Variants in KCNH5 observed in about 807,000 individuals in gnomAD.
The protein encoded by KCNH5 is voltage-gated delayed rectifier potassium channel KCNH5.
KCNH5 carries 46 observed loss-of-function variants against 96.1 expected under a neutral mutation model. The observed-to-expected ratio is 0.48, with a 90% CI of 0.38 to 0.61. The LOEUF is 0.61. Among genes scored for constraint, KCNH5 ranks in the 20% least tolerant of loss-of-function variants. The probability of loss-of-function intolerance (pLI) is 0.00; values close to 1 mark genes in which losing one functional copy is unlikely to be tolerated. For synonymous variants in KCNH5, 439 were observed against 449.8 expected (o/e 0.98, Z 0.30); for missense variants, 907 against 1,225.8 (o/e 0.74, Z 3.88).
chr14:62,814,782 C>CAAAAAAAAAAAA lies in KCNH5; in HGVS notation c.1570-12213_1570-12202dup, dbSNP rs71120235. Among the ~76,000 whole-genome samples, 210 of 33,740 alleles carry CAAAAAAAAAAAA rather than the reference C, an allele frequency of 6.2e-3. 45 individuals are homozygous for CAAAAAAAAAAAA. The highest frequency in any genetic ancestry group is 0.067 in the Middle Eastern group (2 of 30). The allele number at this position is 33,740 out of a possible 152,430, so 22.1% of individuals were successfully genotyped here. ...TGGGCGACAAAGCGAGACTCCATCT[C>CAAAAAAAAAAAA]AAAAAAAAAAAAAAAAAAAAAAAAA... On this transcript the variant is annotated intron_variant, in intron 8 of 10. Transcript: ENST00000322893.
At chr14:62,753,968 C>T (rs1885561795) in intron 10 of KCNH5, among the ~76,000 whole-genome samples, 1 of 152,076 alleles carries the variant, frequency 6.6e-6, no homozygotes, top group South Asian at 2.1e-4. Flanking sequence ...TGCAATTGTG[C>T]TGTGTAAACT....
rs768010526 is a variant in KCNH5 at position 62,980,878 on chromosome 14, C to A, written c.936G>T (p.Val312=). 1.9e-6 allele frequency: 3 copies of A among 1,613,106 alleles called. No individual in the cohort carries two copies. The Admixed American group carries it at 5.0e-5, about 27-fold the overall frequency. ...PYDIINAFEN[V]DEGISSLFSS... ...ACCAAAACGAAAAACTTACCTCATC[C>A]ACATTTTCAAAGGCATTGATGATGT... The change falls in exon 6 of 11, where the codon GTG becomes GTT. Residue 312 remains valine (V), a synonymous_variant. Coordinates refer to ENST00000322893, the MANE Select transcript of KCNH5 (RefSeq NM_139318.5).
At chr14:62,754,104 G>T (rs968006241) in intron 10 of KCNH5, among the ~76,000 whole-genome samples, 3 of 152,192 alleles carry the variant, frequency 2.0e-5, no homozygotes, top group African/African-American at 7.2e-5. Context: ...GCACAGAGAT[G>T]CAGTTAAAAT....
At position 62,708,128 on chromosome 14, in the gene KCNH5, C is replaced by T. The variant is rs373967609; in HGVS notation, c.2347G>A (p.Glu783Lys). ...TCAGCACCGCCGTTGGGCTTGAGTT[C>T]CATGGCATCACGGTTGTTCTGCTTA... ...SLKQNNRDAMELKPNGGADQK... is the reference protein window; with the variant it reads ...SLKQNNRDAMKLKPNGGADQK... Residue 783 changes from glutamate to lysine, a missense_variant, in exon 11 of 11, where the codon GAA becomes AAA. Glu to Lys is a moderately conservative substitution (Grantham distance 56). Transcript: ENST00000322893. The T allele has an allele frequency of 9.3e-6, 15 of 1,614,104 alleles. No homozygotes were observed. The highest frequency in any genetic ancestry group is 1.3e-5 in the Non-Finnish European group (15 of 1,180,048).
At chr14:62,964,023 G>A (rs936637068) in intron 6 of KCNH5, among the ~76,000 whole-genome samples, 3 of 152,082 alleles carry the variant, frequency 2.0e-5, no homozygotes, top group African/African-American at 7.2e-5. Flanking sequence ...AAATGATACT[G>A]GAGAAAACAA....
chr14:62,827,844 T>G (rs1449499992), intron 8 of KCNH5, among the ~76,000 whole-genome samples: 1 of 152,192 alleles, frequency 6.6e-6, no homozygotes. Flanking sequence ...GTTTAGAAGT[T>G]AGTTCTGTTT....
intron 9 of KCNH5, among the ~76,000 whole-genome samples, chr14:62,794,243 G>A (rs1352114325): frequency 6.6e-6 from 1 of 152,000 alleles, no homozygotes; most frequent in Non-Finnish European, 1.5e-5. Flanking sequence ...CTTGGCAGTG[G>A]TGTTAGAGAA....
chr14:62,916,603 T>A (rs1889279727), intron 7 of KCNH5, among the ~76,000 whole-genome samples: 1 of 152,144 alleles, frequency 6.6e-6, no homozygotes. Flanking sequence ...TGAGAAAAAA[T>A]GTCTTTTTCC....
chr14:62,924,905 T>G (rs1241607499), intron 7 of KCNH5, among the ~76,000 whole-genome samples: 1 of 151,956 alleles, frequency 6.6e-6, no homozygotes, highest in Non-Finnish European at 1.5e-5. Context: ...GCGACTATAG[T>G]CAATAATAGT....
At chr14:62,980,153 C>T (rs187774986) in intron 6 of KCNH5, among the ~76,000 whole-genome samples, 2 of 152,286 alleles carry the variant, frequency 1.3e-5, no homozygotes, top group East Asian at 3.9e-4. Flanking sequence ...TTTCCTGAGG[C>T]CTCTCCAGCC....
At chr14:62,852,820 C>G (rs1390271579) in intron 7 of KCNH5, among the ~76,000 whole-genome samples, 2 of 152,130 alleles carry the variant, frequency 1.3e-5, no homozygotes, top group Non-Finnish European at 2.9e-5. Flanking sequence ...ACAGCACTGC[C>G]TGAACAAATG....
At chr14:62,903,162 G>A (rs191751326) in intron 7 of KCNH5, among the ~76,000 whole-genome samples, 6 of 152,248 alleles carry the variant, frequency 3.9e-5, no homozygotes, top group African/African-American at 1.4e-4. Flanking sequence ...GTACAATACA[G>A]TAGCCCTTCA....
intron 9 of KCNH5, among the ~76,000 whole-genome samples, chr14:62,788,665 C>T (rs1458140080): frequency 6.6e-6 from 1 of 152,084 alleles, no homozygotes; most frequent in African/African-American, 2.4e-5. Flanking sequence ...CCCCTCTATT[C>T]CACCCTTCAG....
intron 7 of KCNH5, among the ~76,000 whole-genome samples, chr14:62,908,619 T>C (rs1889076272): frequency 6.6e-6 from 1 of 152,080 alleles, no homozygotes; most frequent in African/African-American, 2.4e-5. Context: ...AGGCACAGAC[T>C]GGAGCCCTCC....
intron 7 of KCNH5, among the ~76,000 whole-genome samples, chr14:62,938,881 G>T (rs763197666): frequency 6.6e-5 from 10 of 152,310 alleles, no homozygotes; most frequent in Admixed American, 5.2e-4. Flanking sequence ...ACACAAAAGA[G>T]AAATTCTATG....
At chr14:63,021,861 C>G (rs1891434202) in intron 1 of KCNH5, among the ~76,000 whole-genome samples, 1 of 152,190 alleles carries the variant, frequency 6.6e-6, no homozygotes. Context: ...GAACATTCCT[C>G]TAGTTTTTTT....
At chr14:62,892,998 C>G (rs1888742413) in intron 7 of KCNH5, among the ~76,000 whole-genome samples, 1 of 152,124 alleles carries the variant, frequency 6.6e-6, no homozygotes, top group South Asian at 2.1e-4. Context: ...GCCCATGGAT[C>G]AAGGAGTAAA....
In KCNH5 at chr14:62,839,661, C is replaced by T. The variant is rs1887535534; in HGVS notation, c.1569+9992G>A. On this transcript the variant is annotated intron_variant, in intron 8 of 10. Transcript: ENST00000322893. ...ACCATCATGACTATTCAGTGGAAATCATTCTATTATTTACATGGAACACAC... is the reference window on the plus strand; with the variant it reads ...ACCATCATGACTATTCAGTGGAAATTATTCTATTATTTACATGGAACACAC... Among the ~76,000 whole-genome samples the T allele has an allele frequency of 2.0e-5, 3 of 152,246 alleles. No homozygotes were observed. In the South Asian group the frequency reaches 6.2e-4, roughly 32 times the overall value.
chr14:62,777,472 T>C (rs1886121743), intron 10 of KCNH5, among the ~76,000 whole-genome samples: 1 of 152,244 alleles, frequency 6.6e-6, no homozygotes, highest in Non-Finnish European at 1.5e-5. Flanking sequence ...TGTTCTCAGA[T>C]GGTAGCTAGT....
Sources: allele counts gnomAD v4.1 joint callset (sites outside exome capture counted in the v4.1 genomes callset), GRCh38; gene constraint gnomAD v4.1.1; transcripts MANE v1.5; gene names NCBI Gene and HGNC (gene_info 2026-07-23, HGNC 2026-07-21).